TAF1C: variants seen among roughly 807,000 people sequenced by gnomAD.
TAF1C encodes TATA box-binding protein-associated factor RNA polymerase I subunit C.
A neutral mutation model predicts 70.5 loss-of-function variants in TAF1C; 79 were observed. The ratio of observed to expected loss-of-function variants is 1.12; its 90% CI spans 0.93 to 1.35. The LOEUF (loss-of-function observed/expected upper bound fraction) is 1.35, where lower values mean the gene tolerates loss of function less well. Ranked by LOEUF, TAF1C falls within the 40% of genes most tolerant of loss-of-function variation. The pLI is 0.00. For missense variants in TAF1C, 1,412 were observed against 1,127.8 expected, an observed-to-expected ratio of 1.25 and a Z score of -3.61; for synonymous variants, 614 against 491.1, an observed-to-expected ratio of 1.25 and a Z score of -3.31.
rs750647507 is a variant in TAF1C, at chr16:84,181,565, G to C, written c.1028+27C>G. 2.0e-5 allele frequency: 33 copies of C among 1,613,802 alleles called. No homozygotes were observed. The Middle Eastern group carries it at 6.6e-4, about 32-fold the overall frequency. On this transcript the variant is annotated intron_variant, in intron 10 of 14. Transcript: ENST00000566732. ...AGGGCGGAGTTCAGTTCGTTAGGGT[G>C]GGGGGTTTCACAGGAAGCGGCGATA...
At chr16:84,183,191 C>T in intron 5 of TAF1C, 42 bp from the exon 6 acceptor site, 1 of 1,613,924 alleles carries the variant, frequency 6.2e-7, no homozygotes, top group Non-Finnish European at 8.5e-7. Flanking sequence ...CCCTCGAGTT[C>T]ACCCCTGAAG....
Position 84,179,296 on chromosome 16 carries a change from C to A in TAF1C, c.2177G>T (p.Arg726Leu). Reference protein sequence around the residue: ...EPGRQTRRPKRRTQLSSSFSL... With the variant: ...EPGRQTRRPKLRTQLSSSFSL... ...AAAGCTGCTGGACAGCTGGGTCCGG[C>A]GCTTGGGCCGCCTGGTCTGTCTCCC... is the stretch of plus-strand genomic sequence containing the variant. Residue 726 changes from arginine (R) to leucine (L), a missense_variant, in exon 15 of 15, where the codon CGC (arginine) becomes CTC (leucine). Physicochemically the swap from Arg to Leu is moderately radical, Grantham distance 102 (BLOSUM62 -2). Coordinates refer to ENST00000566732, the MANE Select transcript of TAF1C (RefSeq NM_001243156.2). The A allele has an allele frequency of 1.9e-6, 3 of 1,594,338 alleles. No homozygotes were observed. The highest frequency in any genetic ancestry group is 2.6e-6 in the Non-Finnish European group (3 of 1,176,328).
Position 84,178,966 on chromosome 16 carries a change from C to G in TAF1C, c.2507G>C (p.Arg836Pro). 6.2e-7 allele frequency: 1 copy of G among 1,609,798 alleles called. No homozygotes were observed. The highest frequency in any genetic ancestry group is 8.5e-7 in the Non-Finnish European group (1 of 1,179,294). Residue 836 changes from arginine (R) to proline (P), a missense_variant, in exon 15 of 15, where the codon CGG becomes CCG. Physicochemically the swap from Arg to Pro is moderately radical, Grantham distance 103. Transcript: ENST00000566732. ...TPVLSSSQPL[R>P]KKPRMGF ...TCAGAAGCCCATTCGAGGCTTCTTC[C>G]GGAGGGGCTGAGAGCTAGAGAGGAC...
rs1276683898 is a variant in TAF1C, at chr16:84,181,863, G to C, written c.839C>G (p.Thr280Ser). 6.2e-7 allele frequency: 1 copy of C among 1,614,192 alleles called. No individual in the cohort carries two copies. The highest frequency in any genetic ancestry group is 8.5e-7 in the Non-Finnish European group (1 of 1,180,034). ...QVVTCTVQGE[T>S]LLAVRSDYHC... ...GTAGTCAGAGCGGACGGCCAGCAGAGCTGAGGAGGGATGGAAAGGGCCAGG... is the reference window on the plus strand; with the variant it reads ...GTAGTCAGAGCGGACGGCCAGCAGACCTGAGGAGGGATGGAAAGGGCCAGG... Residue 280 changes from threonine to serine, a missense_variant and splice_region_variant, in exon 9 of 15, where the codon ACT (threonine) becomes AGT (serine). Coordinates refer to ENST00000566732, the MANE Select transcript of TAF1C (RefSeq NM_001243156.2).
intron 2 of TAF1C, among the ~76,000 whole-genome samples, chr16:84,184,396 G>A (rs4150129): frequency 0.05 from 7,676 of 152,204 alleles, 246 homozygotes; most frequent in Middle Eastern, 0.11. Flanking sequence ...GGAACTAGGC[G>A]GCTGAGGATT....
Position 84,182,139 on chromosome 16 carries a change from C to G in TAF1C, c.721+63G>C, listed in dbSNP as rs1464691705. ...ATTCCTGCCCTTCTCTGGACCATGC[C>G]AAGAGCACCTCCTCTACCAGAGGCG... On this transcript the variant is annotated intron_variant, in intron 7 of 14. Transcript: ENST00000566732. This position sits in a 1 kb window ranked among gnomAD's most constrained non-coding sequence, Gnocchi z 5.0. 6.3e-7 allele frequency: 1 copy of G among 1,590,288 alleles called. No individual in the cohort carries two copies. The highest frequency in any genetic ancestry group is 1.7e-5 in the Admixed American group (1 of 58,684).
Position 84,181,759 on chromosome 16 carries a change from C to T in TAF1C, c.943G>A (p.Gly315Arg). The stretch of plus-strand genomic sequence containing the variant: ...GACCCCCCTCACCTGAGGCTGATCC[C>T]CGTGGCCCCTTTCTCCACCTGCATT... ...QAMQVEKGAT[G>R]ISLSPHLPGE... Residue 315 changes from glycine (G) to arginine (R), a missense_variant, in exon 9 of 15, where the codon GGG (glycine) becomes AGG (arginine). Gly to Arg is a moderately radical substitution (Grantham distance 125). Coordinates refer to ENST00000566732, the MANE Select transcript of TAF1C (RefSeq NM_001243156.2). 1 of 1,614,088 alleles carries T rather than the reference C, an allele frequency of 6.2e-7. No individual in the cohort carries two copies. Among genetic ancestry groups the T allele is most frequent in the Non-Finnish European group, 8.5e-7 (1 of 1,179,986 alleles).
rs774079835 is a variant in TAF1C, at chr16:84,183,311, T to C, written c.341A>G (p.His114Arg). The change falls in exon 5 of 15, where the codon CAT becomes CGT. Residue 114 changes from histidine to arginine, a missense_variant. Coordinates refer to ENST00000566732, the MANE Select transcript of TAF1C (RefSeq NM_001243156.2). ...TEQISRFLLDHGDVAFAPLGK... is the reference protein window; with the variant it reads ...TEQISRFLLDRGDVAFAPLGK... ...CAGGGGCGCAAAGGCTACGTCTCCA[T>C]GATCCAAGAGGAACCGGCTGATCTG... The C allele has an allele frequency of 3.7e-6, 6 of 1,614,008 alleles. No individual in the cohort carries two copies. The highest frequency in any genetic ancestry group is 5.1e-6 in the Non-Finnish European group (6 of 1,180,030).
In TAF1C at chr16:84,181,846, A is replaced by C. The variant is rs1465289355; in HGVS notation, c.856T>G (p.Ser286Ala). Residue 286 changes from serine (S) to alanine (A), a missense_variant, in exon 9 of 15, where the codon TCT becomes GCT. By Grantham distance (99) the Ser-to-Ala change is moderately conservative. Coordinates refer to ENST00000566732, the MANE Select transcript of TAF1C (RefSeq NM_001243156.2). Reference sequence around the variant, plus strand: ...TTCCACACGGCACAGTGGTAGTCAGAGCGGACGGCCAGCAGAGCTGAGGAG... The same window carrying C: ...TTCCACACGGCACAGTGGTAGTCAGCGCGGACGGCCAGCAGAGCTGAGGAG... ...VQGETLLAVR[S>A]DYHCAVWKFG... 1.2e-6 allele frequency: 2 copies of C among 1,614,116 alleles called. No individual in the cohort carries two copies. The highest frequency in any genetic ancestry group is 8.5e-7 in the Non-Finnish European group (1 of 1,180,018).
In TAF1C at chr16:84,183,293, G is replaced by A. The variant is rs1490298402; in HGVS notation, c.359C>T (p.Ala120Val). 5.0e-6 allele frequency: 8 copies of A among 1,613,946 alleles called. No individual in the cohort carries two copies. The highest frequency in any genetic ancestry group is 1.3e-5 in the African/African-American group (1 of 75,046). ...CTCCAGCATCAGCTTCCCCAGGGGC[G>A]CAAAGGCTACGTCTCCATGATCCAA... ...FLLDHGDVAF[A>V]PLGKLMLENF... Residue 120 changes from alanine (A) to valine (V), a missense_variant, in exon 5 of 15, where the codon GCG becomes GTG. Physicochemically the swap from Ala to Val is moderately conservative, Grantham distance 64. Transcript: ENST00000566732.
rs752608942 is a variant in TAF1C, at chr16:84,179,485, C to T, written c.1988G>A (p.Gly663Glu). Residue 663 changes from glycine (G) to glutamate (E), a missense_variant, in exon 15 of 15, where the codon GGG (glycine) becomes GAG (glutamate). Physicochemically the swap from Gly to Glu is moderately conservative, Grantham distance 98 (BLOSUM62 -2). Coordinates refer to ENST00000566732, the MANE Select transcript of TAF1C (RefSeq NM_001243156.2). Reference sequence around the variant, plus strand: ...CAGGTCTCTCTGCAGCAGGAGCTGCCCTCGGGCCATGGCCTTGCGGAGCAC... The same window carrying T: ...CAGGTCTCTCTGCAGCAGGAGCTGCTCTCGGGCCATGGCCTTGCGGAGCAC... ...LGVLRKAMAR[G>E]QLLLQRDLGS... 3.8e-6 allele frequency: 6 copies of T among 1,599,388 alleles called. No individual in the cohort carries two copies. The highest frequency in any genetic ancestry group is 5.1e-6 in the Non-Finnish European group (6 of 1,175,872).
Position 84,179,133 on chromosome 16 carries a change from G to A in TAF1C, c.2340C>T (p.Gly780=), listed in dbSNP as rs1404345475. The A allele has an allele frequency of 1.1e-5, 18 of 1,608,382 alleles. No homozygotes were observed. Among genetic ancestry groups the A allele is most frequent in the Middle Eastern group, 1.6e-4 (1 of 6,080 alleles). Residue 780 remains glycine, a synonymous_variant, in exon 15 of 15, where the codon GGC becomes GGT. Transcript: ENST00000566732. The stretch of plus-strand genomic sequence containing the variant: ...GCATCTGCCGCTGCTCTGATGGGAC[G>A]CCCTGGGCGCATGCATCCGGAGTCA... ...QELTPDACAQ[G]VPSEQRQMLR... is the part of the protein sequence containing the mutation.
rs2088878961 is a variant in TAF1C, at chr16:84,178,564, C to G, written c.*377G>C. The G allele has an allele frequency of 2.3e-6, 1 of 435,696 alleles. No homozygotes were observed. Among genetic ancestry groups the G allele is most frequent in the Admixed American group, 2.5e-5 (1 of 39,458 alleles). 27.0% of individuals were successfully genotyped at this position (435,696 alleles called of 1,614,324 possible). On this transcript the variant is annotated 3_prime_UTR_variant, in exon 15 of 15. Coordinates refer to ENST00000566732, the MANE Select transcript of TAF1C (RefSeq NM_001243156.2). ...CTCCACCCTCACCAAACACGAGGAGCCAGCACTCCTGGCCCCCATTCCACT... is the reference window on the plus strand; with the variant it reads ...CTCCACCCTCACCAAACACGAGGAGGCAGCACTCCTGGCCCCCATTCCACT...
At chr16:84,180,964 G>C in intron 12 of TAF1C, 79 bp downstream of exon 12, 1 of 1,497,110 alleles carries the variant, frequency 6.7e-7, no homozygotes, top group South Asian at 1.3e-5. Context: ...GCCCAGCAGA[G>C]CCGCTGGTAA....
Position 84,179,871 on chromosome 16 carries a change from T to C in TAF1C, c.1622-20A>G, listed in dbSNP as rs2089025626. 4 of 1,608,266 alleles carry C rather than the reference T, an allele frequency of 2.5e-6. No homozygotes were observed. The highest frequency in any genetic ancestry group is 3.4e-5 in the Admixed American group (2 of 59,614). On this transcript the variant is annotated intron_variant, in intron 14 of 14. Transcript: ENST00000566732. Reference sequence around the variant, plus strand: ...CCAGACCTGGTGACGGGAATGACAATGACCTCCAGGGCCTAGCGGGGGGAG... The same window carrying C: ...CCAGACCTGGTGACGGGAATGACAACGACCTCCAGGGCCTAGCGGGGGGAG...
In TAF1C at chr16:84,179,031, G is replaced by A. The variant is rs2088915680; in HGVS notation, c.2442C>T (p.Ala814=). The A allele has an allele frequency of 3.1e-6, 5 of 1,610,722 alleles. No homozygotes were observed. Among genetic ancestry groups the A allele is most frequent in the Admixed American group, 1.7e-5 (1 of 59,988 alleles). The change falls in exon 15 of 15, where the codon GCC becomes GCT. Residue 814 remains alanine, a synonymous_variant. Coordinates refer to ENST00000566732, the MANE Select transcript of TAF1C (RefSeq NM_001243156.2). ...GGGAGCGAGTGGCCCGGACGCTGGA[G>A]GCCTGGGAGTGGGGAGGTGTGGTGG... is the stretch of plus-strand genomic sequence containing the variant. ...GCATTPPHSQ[A]SSVRATRSQQ... is the part of the protein sequence containing the mutation.
chr16:84,183,737 C>CA lies in TAF1C; in HGVS notation c.179_180insT (p.Ala61GlyfsTer45). On this transcript the variant is annotated frameshift_variant, in exon 3 of 15. Coordinates refer to ENST00000566732, the MANE Select transcript of TAF1C (RefSeq NM_001243156.2). LOFTEE classifies it high-confidence loss of function. Reference sequence around the variant, plus strand: ...GCATGGGGAGAGGCCCAGGGGTTGCCGGCTCCCACAGCAGGTCCTTGGTCA... The same window carrying CA: ...GCATGGGGAGAGGCCCAGGGGTTGCCAGGCTCCCACAGCAGGTCCTTGGTCA... 1 of 1,612,990 alleles carries CA rather than the reference C, an allele frequency of 6.2e-7. No homozygotes were observed. Among genetic ancestry groups the CA allele is most frequent in the Non-Finnish European group, 8.5e-7 (1 of 1,179,350 alleles).
At position 84,178,397 on chromosome 16, in the gene TAF1C, G is replaced by C. The variant is rs1262738365; in HGVS notation, c.*544C>G. On this transcript the variant is annotated 3_prime_UTR_variant, in exon 15 of 15. Coordinates refer to ENST00000566732, the MANE Select transcript of TAF1C (RefSeq NM_001243156.2). ...ATTCCAATTCATCTTCAGCTGCCAA[G>C]TGTATTTAGTCCCTGAACCTGGATC... 2.2e-6 allele frequency: 1 copy of C among 457,202 alleles called. No homozygotes were observed. The highest frequency in any genetic ancestry group is 4.4e-6 in the Non-Finnish European group (1 of 227,556). The allele number at this position is 457,202 out of a possible 1,614,324, so 28.3% of individuals were successfully genotyped here. A position where few individuals can be genotyped will look rare whatever the true frequency, so the allele number is the denominator to read the frequency against.
chr16:84,181,965 A>G lies in TAF1C; in HGVS notation c.815T>C (p.Val272Ala). ...ACTTTCTCCCTGGACGGTGCATGTC[A>G]CCACTTGCCGGACAGGTCCCTGGAG... Reference protein sequence around the residue: ...IQLQGPVRQVVTCTVQGETLL... With the variant: ...IQLQGPVRQVATCTVQGETLL... The change falls in exon 8 of 15, where the codon GTG becomes GCG. Residue 272 changes from valine (V) to alanine (A), a missense_variant. Coordinates refer to ENST00000566732, the MANE Select transcript of TAF1C (RefSeq NM_001243156.2). 6.2e-7 allele frequency: 1 copy of G among 1,613,916 alleles called. No individual in the cohort carries two copies. The highest frequency in any genetic ancestry group is 1.1e-5 in the South Asian group (1 of 91,088).
Sources: gnomAD v4.1 joint callset for allele counts (sites outside exome capture counted in the v4.1 genomes callset) on GRCh38, gnomAD v4.1.1 for gene constraint, Gnocchi (gnomAD v3.1) non-coding constraint, MANE v1.5 for transcripts, NCBI Gene and HGNC (gene_info 2026-07-23, HGNC 2026-07-21) for gene names.